Variants in PPP1R27 observed in about 807,000 individuals in gnomAD.
PPP1R27 encodes protein phosphatase 1 regulatory subunit 27, also known as dysferlin interacting protein 1.
PPP1R27 carries 10 observed loss-of-function variants against 12.0 expected under a neutral mutation model. The observed-to-expected ratio is 0.84, with a 90% CI of 0.52 to 1.42. PPP1R27 has a LOEUF of 1.42. Among genes scored for constraint, PPP1R27 ranks in the 40% most tolerant of loss-of-function variants. The pLI, the probability that PPP1R27 is intolerant of heterozygous loss-of-function variation, is 0.00. For synonymous variants in PPP1R27, 98 were observed against 89.3 expected, an observed-to-expected ratio of 1.10 and a Z score of -0.55; for missense variants, 246 against 215.3, an observed-to-expected ratio of 1.14 and a Z score of -0.89.
At position 81,834,663 on chromosome 17, in the gene PPP1R27, G is replaced by T; in HGVS notation, c.191-10C>A. On this transcript the variant is annotated splice_polypyrimidine_tract_variant and intron_variant, in intron 1 of 2. Transcript: ENST00000330261. ...TGCAAGGCGGCCAGGCCTGGGCAGG[G>T]AGGACGGGAGGGGTCAAGACTGAGC... is the stretch of plus-strand genomic sequence containing the variant. 4 of 1,613,998 alleles carry T rather than the reference G, an allele frequency of 2.5e-6. No homozygotes were observed. Among genetic ancestry groups the T allele is most frequent in the Non-Finnish European group, 3.4e-6 (4 of 1,180,000 alleles).
Position 81,834,671 on chromosome 17 carries a change from G to A in PPP1R27, c.191-18C>T, listed in dbSNP as rs756842057. On this transcript the variant is annotated intron_variant, in intron 1 of 2. Transcript: ENST00000330261. ...GGCCAGGCCTGGGCAGGGAGGACGG[G>A]AGGGGTCAAGACTGAGCCCCAGGTC... 3 of 1,613,928 alleles carry A rather than the reference G, an allele frequency of 1.9e-6. No individual in the cohort carries two copies. The highest frequency in any genetic ancestry group is 2.5e-6 in the Non-Finnish European group (3 of 1,179,996).
At position 81,833,667 on chromosome 17, in the gene PPP1R27, G is replaced by A; in HGVS notation, c.*62C>T. Reference sequence around the variant, plus strand: ...CGGGTGGGGCACGTGCTGGCCCATGGGCGACGCGCGGCTTCTCCAGGGAGG... The same window carrying A: ...CGGGTGGGGCACGTGCTGGCCCATGAGCGACGCGCGGCTTCTCCAGGGAGG... On this transcript the variant is annotated 3_prime_UTR_variant, in exon 3 of 3. Coordinates refer to ENST00000330261, the MANE Select transcript of PPP1R27 (RefSeq NM_001007533.4). 6.6e-7 allele frequency: 1 copy of A among 1,520,696 alleles called. No individual in the cohort carries two copies. The highest frequency in any genetic ancestry group is 1.4e-5 in the African/African-American group (1 of 72,762). 94.2% of individuals were successfully genotyped at this position (1,520,696 alleles called of 1,614,324 possible). A position where few individuals can be genotyped will look rare whatever the true frequency, so the allele number is the denominator to read the frequency against.
Position 81,833,684 on chromosome 17 carries a change from C to T in PPP1R27, c.*45G>A. ...GGCCCATGGGCGACGCGCGGCTTCT[C>T]CAGGGAGGCGGCCCTGGGCGCGGGG... On this transcript the variant is annotated 3_prime_UTR_variant, in exon 3 of 3. Coordinates refer to ENST00000330261, the MANE Select transcript of PPP1R27 (RefSeq NM_001007533.4). The T allele has an allele frequency of 6.5e-7, 1 of 1,535,546 alleles. No homozygotes were observed. The highest frequency in any genetic ancestry group is 1.4e-5 in the African/African-American group (1 of 72,864).
In PPP1R27 at chr17:81,834,981, T is replaced by C. The variant is rs2038596941; in HGVS notation, c.-28A>G. On this transcript the variant is annotated 5_prime_UTR_variant, in exon 1 of 3. Coordinates refer to ENST00000330261, the MANE Select transcript of PPP1R27 (RefSeq NM_001007533.4). ...TGGGCGCTGTGGGGCAGGTTGCCCC[T>C]GGGGACCCTACTGCACTGGGGTTAA... is the stretch of plus-strand genomic sequence containing the variant. 6.4e-7 allele frequency: 1 copy of C among 1,563,320 alleles called. No homozygotes were observed. The highest frequency in any genetic ancestry group is 8.6e-7 in the Non-Finnish European group (1 of 1,156,962).
intron 2 of PPP1R27, 192 bp from the exon 3 acceptor site, chr17:81,834,044 T>C: frequency 1.6e-6 from 1 of 619,784 alleles, no homozygotes; most frequent in Non-Finnish European, 2.7e-6. Flanking sequence ...GTTGGTTCTA[T>C]TGAGGACAAA....
chr17:81,834,814 C>T lies in PPP1R27; in HGVS notation c.140G>A (p.Gly47Glu), dbSNP rs1254519085. Residue 47 changes from glycine to glutamate, a missense_variant, in exon 1 of 3, where the codon GGG becomes GAG. Coordinates refer to ENST00000330261, the MANE Select transcript of PPP1R27 (RefSeq NM_001007533.4). ...HIRQGDLEQV[G>E]RFIRTRKVSL... ...GACTTTCCGAGTCCGGATGAAGCGCCCCACCTGCTCCAGGTCACCCTGCCG... is the reference window on the plus strand; with the variant it reads ...GACTTTCCGAGTCCGGATGAAGCGCTCCACCTGCTCCAGGTCACCCTGCCG... The T allele has an allele frequency of 1.2e-6, 2 of 1,613,606 alleles. No homozygotes were observed. The highest frequency in any genetic ancestry group is 1.7e-6 in the Non-Finnish European group (2 of 1,179,848).
At position 81,834,837 on chromosome 17, in the gene PPP1R27, C is replaced by A; in HGVS notation, c.117G>T (p.Arg39=). The part of the protein sequence containing the change: ...PNDVLFLDHI[R]QGDLEQVGRF... ...GCCCCACCTGCTCCAGGTCACCCTG[C>A]CGGATGTGGTCCAAGAACAGGACAT... Residue 39 remains arginine (R), a synonymous_variant, in exon 1 of 3, where the codon CGG becomes CGT. Transcript: ENST00000330261. 1 of 1,613,740 alleles carries A rather than the reference C, an allele frequency of 6.2e-7. No homozygotes were observed. The highest frequency in any genetic ancestry group is 8.5e-7 in the Non-Finnish European group (1 of 1,179,988).
chr17:81,834,943 C>T lies in PPP1R27; in HGVS notation c.11G>A (p.Arg4Lys). 1.2e-6 allele frequency: 2 copies of T among 1,604,576 alleles called. No homozygotes were observed. Among genetic ancestry groups the T allele is most frequent in the Non-Finnish European group, 8.5e-7 (1 of 1,176,020 alleles). Reference sequence around the variant, plus strand: ...GCTGTAGCGGGCATAGCGGGCAGTTCTGCTAGGCATCTTGGGCGCTGTGGG... The same window carrying T: ...GCTGTAGCGGGCATAGCGGGCAGTTTTGCTAGGCATCTTGGGCGCTGTGGG... MPS[R>K]TARYARYSPR... The change falls in exon 1 of 3, where the codon AGA becomes AAA. Residue 4 changes from arginine (R) to lysine (K), a missense_variant. Coordinates refer to ENST00000330261, the MANE Select transcript of PPP1R27 (RefSeq NM_001007533.4).
In PPP1R27 at chr17:81,834,495, C is replaced by A; in HGVS notation, c.341+8G>T. On this transcript the variant is annotated splice_region_variant and intron_variant, in intron 2 of 2. Coordinates refer to ENST00000330261, the MANE Select transcript of PPP1R27 (RefSeq NM_001007533.4). The stretch of plus-strand genomic sequence containing the variant: ...GTTCAAGCCTGTGTAGACCCAGGGC[C>A]CCCTCACCTGGCTATGTCAGGGTAC... 4 of 1,613,668 alleles carry A rather than the reference C, an allele frequency of 2.5e-6. No homozygotes were observed. The highest frequency in any genetic ancestry group is 8.5e-7 in the Non-Finnish European group (1 of 1,179,924).
chr17:81,833,898 G>C, intron 2 of PPP1R27, 46 bp from the exon 3 acceptor site: 1 of 1,578,880 alleles, frequency 6.3e-7, no homozygotes. Context: ...GGAGCCAGGA[G>C]AGTGCTCGCC....
At chr17:81,833,878 G>A (rs1357946183) in intron 2 of PPP1R27, 26 bp from the exon 3 acceptor site, 11 of 1,590,868 alleles carry the variant, frequency 6.9e-6, no homozygotes, top group Non-Finnish European at 9.4e-6. Context: ...CGCTCTGGCT[G>A]AAGCGGGGAG....
At chr17:81,834,313 A>G in intron 2 of PPP1R27, 190 bp downstream of exon 2, 1 of 611,538 alleles carries the variant, frequency 1.6e-6, no homozygotes, top group Non-Finnish European at 2.8e-6. Flanking sequence ...CGAACTCCTG[A>G]CCTCAGGTGA....
At position 81,834,567 on chromosome 17, in the gene PPP1R27, G is replaced by T. The variant is rs767982092; in HGVS notation, c.277C>A (p.Arg93=). Residue 93 remains arginine, a synonymous_variant, in exon 2 of 3, where the codon CGA becomes AGA. Transcript: ENST00000330261. ...LVKYGADIHQ[R]DEAGWTPLHI... ...AGGGGTGTCCAGCCCGCCTCATCTC[G>T]CTGGTGAATGTCAGCCCCGTATTTG... 4 of 1,614,176 alleles carry T rather than the reference G, an allele frequency of 2.5e-6. No homozygotes were observed. The highest frequency in any genetic ancestry group is 1.1e-5 in the South Asian group (1 of 91,090).
chr17:81,834,914 G>A lies in PPP1R27; in HGVS notation c.40C>T (p.Arg14Trp), dbSNP rs148935616. The change falls in exon 1 of 3, where the codon CGG becomes TGG. Residue 14 changes from arginine (R) to tryptophan (W), a missense_variant. Arg to Trp is a moderately radical substitution (Grantham distance 101). Coordinates refer to ENST00000330261, the MANE Select transcript of PPP1R27 (RefSeq NM_001007533.4). ...RTARYARYSP[R>W]QRRRRMLADR... ...GCCAGCATCCGCCGCCGCCGCTGCC[G>A]TGGGCTGTAGCGGGCATAGCGGGCA... The A allele has an allele frequency of 6.2e-6, 10 of 1,611,900 alleles. No homozygotes were observed. Among genetic ancestry groups the A allele is most frequent in the Non-Finnish European group, 8.5e-6 (10 of 1,179,416 alleles).
rs769618912 is a variant in PPP1R27 at position 81,834,550 on chromosome 17, C to G, written c.294G>C (p.Trp98Cys). ...ADIHQRDEAG[W>C]TPLHIACSDG... ...CGCTGCAGGCAATGTGCAGGGGTGT[C>G]CAGCCCGCCTCATCTCGCTGGTGAA... The change falls in exon 2 of 3, where the codon TGG becomes TGC. Residue 98 changes from tryptophan (W) to cysteine (C), a missense_variant. Transcript: ENST00000330261. 4.3e-6 allele frequency: 7 copies of G among 1,614,184 alleles called. No individual in the cohort carries two copies. The highest frequency in any genetic ancestry group is 5.9e-6 in the Non-Finnish European group (7 of 1,180,032).
chr17:81,834,832 C>T lies in PPP1R27; in HGVS notation c.122G>A (p.Gly41Asp). 1 of 1,613,760 alleles carries T rather than the reference C, an allele frequency of 6.2e-7. No homozygotes were observed. The highest frequency in any genetic ancestry group is 8.5e-7 in the Non-Finnish European group (1 of 1,179,972). The change falls in exon 1 of 3, where the codon GGT (glycine) becomes GAT (aspartate). Residue 41 changes from glycine (G) to aspartate (D), a missense_variant. Physicochemically the swap from Gly to Asp is moderately conservative, Grantham distance 94 (BLOSUM62 -1). Transcript: ENST00000330261. ...DVLFLDHIRQ[G>D]DLEQVGRFIR... is the part of the protein sequence containing the mutation. ...GAAGCGCCCCACCTGCTCCAGGTCA[C>T]CCTGCCGGATGTGGTCCAAGAACAG...
rs776322601 is a variant in PPP1R27 at position 81,834,899 on chromosome 17, G to T, written c.55C>A (p.Arg19=). The T allele has an allele frequency of 5.0e-6, 8 of 1,610,570 alleles. No individual in the cohort carries two copies. In the South Asian group the frequency reaches 7.7e-5, roughly 16 times the overall value. ...CGCACGCTGCGATCAGCCAGCATCC[G>T]CCGCCGCCGCTGCCGTGGGCTGTAG... ...ARYSPRQRRR[R]MLADRSVRFP... Residue 19 remains arginine (R), a synonymous_variant, in exon 1 of 3, where the codon CGG becomes AGG. Coordinates refer to ENST00000330261, the MANE Select transcript of PPP1R27 (RefSeq NM_001007533.4).
chr17:81,834,325 C>A (rs562091103), intron 2 of PPP1R27, 178 bp downstream of exon 2: 3 of 647,646 alleles, frequency 4.6e-6, no homozygotes, highest in Middle Eastern at 4.3e-4. Flanking sequence ...CTCAGGTGAT[C>A]CGCCCACCTC....
At chr17:81,834,416 G>T in intron 2 of PPP1R27, 87 bp downstream of exon 2, 1 of 1,489,558 alleles carries the variant, frequency 6.7e-7, no homozygotes, top group Non-Finnish European at 9.2e-7. Context: ...ACACCACCCG[G>T]GCTACATTTT....
Sources: gnomAD v4.1 joint callset for allele counts on GRCh38, gnomAD v4.1.1 for gene constraint, MANE v1.5 for transcripts, NCBI Gene and HGNC (gene_info 2026-07-23, HGNC 2026-07-21) for gene names.